The following FREM1 variants were observed in gnomAD, a reference collection of about 807,000 sequenced individuals.
FREM1 encodes the protein FRAS1 related extracellular matrix 1.
A neutral mutation model predicts 210.1 loss-of-function variants in FREM1; 220 were observed. That is an observed-to-expected ratio of 1.05 (90% CI 0.94 to 1.17). The LOEUF is 1.17. Ranked by LOEUF, FREM1 falls within the 50% of genes most tolerant of loss-of-function variation. The pLI is 0.00. For missense variants in FREM1, 3,454 were observed against 2,675.5 expected, an observed-to-expected ratio of 1.29 and a Z score of -6.42; for synonymous variants, 1,189 against 980.2, an observed-to-expected ratio of 1.21 and a Z score of -3.98.
rs750470197 is a variant in FREM1 at position 14,775,894 on chromosome 9, C to T, written c.4752G>A (p.Gly1584=). ...SKNVAYRHSG[G]DSQTDCFTFM... Reference sequence around the variant, plus strand: ...AAGTAAAGCAGTCAGTCTGGGAGTCCCCTCCTGAGTGCCGATAGGCCACAT... The same window carrying T: ...AAGTAAAGCAGTCAGTCTGGGAGTCTCCTCCTGAGTGCCGATAGGCCACAT... Residue 1584 remains glycine (G), a synonymous_variant, in exon 25 of 37, where the codon GGG becomes GGA. Transcript: ENST00000380880. The T allele has an allele frequency of 6.2e-7, 1 of 1,613,872 alleles. No homozygotes were observed. Among genetic ancestry groups the T allele is most frequent in the Non-Finnish European group, 8.5e-7 (1 of 1,179,802 alleles).
Position 14,789,112 on chromosome 9 carries a change from T to G in FREM1, c.3984A>C (p.Ile1328=). ...LPQNGQLQLK[I]GRDWVPLSPG... Reference sequence around the variant, plus strand: ...GGGAGAGAGGAACCCAGTCCCTCCCTATCTGGAAGGAGCCAGAGTTAGTCA... The same window carrying G: ...GGGAGAGAGGAACCCAGTCCCTCCCGATCTGGAAGGAGCCAGAGTTAGTCA... The change falls in exon 23 of 37, where the codon ATA becomes ATC. Residue 1328 remains isoleucine (I), a splice_region_variant and synonymous_variant. Coordinates refer to ENST00000380880, the MANE Select transcript of FREM1 (RefSeq NM_001379081.2). 1 of 1,578,862 alleles carries G rather than the reference T, an allele frequency of 6.3e-7. No homozygotes were observed. Among genetic ancestry groups the G allele is most frequent in the Non-Finnish European group, 8.6e-7 (1 of 1,160,628 alleles).
At chr9:14,779,088 C>T (rs1587918140) in intron 24 of FREM1, among the ~76,000 whole-genome samples, 2 of 152,072 alleles carry the variant, frequency 1.3e-5, no homozygotes, top group East Asian at 3.9e-4. Context: ...CATATTCCCC[C>T]CAGATCCTAT....
chr9:14,828,642 G>GGC (rs1822942639), intron 10 of FREM1, among the ~76,000 whole-genome samples: 1 of 94,772 alleles, frequency 1.1e-5, no homozygotes, highest in African/African-American at 3.2e-5. Flanking sequence ...TTGTGGCGGG[G>GGC]CGGGGGAGGT....
At chr9:14,872,417 C>T (rs6474866) in intron 1 of FREM1, among the ~76,000 whole-genome samples, 83,525 of 151,986 alleles carry the variant, frequency 0.55, 25,929 homozygotes, top group African/African-American at 0.85. Flanking sequence ...GGCATTTTAT[C>T]CTCTTTGAAG....
chr9:14,762,654 G>C (rs1845706104), intron 27 of FREM1, among the ~76,000 whole-genome samples: 1 of 151,634 alleles, frequency 6.6e-6, no homozygotes, highest in Non-Finnish European at 1.5e-5. Context: ...CTATTGAAAA[G>C]CCGTGAAATT....
rs1563827686 is a variant in FREM1, at chr9:14,749,400, G to C, written c.5557+727C>G. On this transcript the variant is annotated intron_variant, in intron 30 of 36. Coordinates refer to ENST00000380880, the MANE Select transcript of FREM1 (RefSeq NM_001379081.2). ...TTATAGAGTAGGAAAGAGAAGAGAA[G>C]GGAATAGATTCCAGGCAAGAAAAAA... Among the ~76,000 whole-genome samples, 5 of 144,202 alleles carry C rather than the reference G, an allele frequency of 3.5e-5. No individual in the cohort carries two copies. The South Asian group carries it at 1.1e-3, about 30-fold the overall frequency. 94.6% of individuals were successfully genotyped at this position (144,202 alleles called of 152,430 possible). A position where few individuals can be genotyped will look rare whatever the true frequency, so the allele number is the denominator to read the frequency against.
intron 18 of FREM1, 69 bp from the exon 19 acceptor site, chr9:14,805,221 T>A (rs535075849): frequency 3.7e-6 from 3 of 816,070 alleles, no homozygotes; most frequent in East Asian, 2.5e-5. Flanking sequence ...CCTTAATCCT[T>A]AACCCAATAA....
chr9:14,784,261 G>A lies in FREM1; in HGVS notation c.4442+109C>T, dbSNP rs1188518294. ...TAAGGTATACAGCGTGATGTTATAA[G>A]ATACATGTATTTTGTGAAATGGTTA... is the stretch of plus-strand genomic sequence containing the variant. On this transcript the variant is annotated intron_variant, in intron 24 of 36. Coordinates refer to ENST00000380880, the MANE Select transcript of FREM1 (RefSeq NM_001379081.2). 10 of 977,324 alleles carry A rather than the reference G, an allele frequency of 1.0e-5. No homozygotes were observed. In the East Asian group the frequency reaches 2.4e-4, roughly 24 times the overall value. The allele number at this position is 977,324 out of a possible 1,614,324, so 60.5% of individuals were successfully genotyped here.
At chr9:14,849,837 G>T (rs958669674) in intron 6 of FREM1, among the ~76,000 whole-genome samples, 1 of 152,254 alleles carries the variant, frequency 6.6e-6, no homozygotes, top group South Asian at 2.1e-4. Context: ...TACAATGCCA[G>T]AAACTACACA....
At position 14,792,901 on chromosome 9, in the gene FREM1, G is replaced by A. The variant is rs756990893; in HGVS notation, c.3840-17C>T. 2.0e-6 allele frequency: 3 copies of A among 1,532,176 alleles called. No homozygotes were observed. Among genetic ancestry groups the A allele is most frequent in the Non-Finnish European group, 2.6e-6 (3 of 1,132,408 alleles). The allele number at this position is 1,532,176 out of a possible 1,614,324, so 94.9% of individuals were successfully genotyped here. A position where few individuals can be genotyped will look rare whatever the true frequency, so the allele number is the denominator to read the frequency against. On this transcript the variant is annotated splice_polypyrimidine_tract_variant and intron_variant, in intron 21 of 36. Transcript: ENST00000380880. ...TCAGCCTTCCTGTAAAAAGAAAAAT[G>A]TCTGGGTTGATATAAAAATAGAAGA... is the stretch of plus-strand genomic sequence containing the variant.
intron 1 of FREM1, among the ~76,000 whole-genome samples, chr9:14,907,656 T>C (rs965072018): frequency 2.6e-5 from 4 of 152,226 alleles, no homozygotes; most frequent in African/African-American, 9.6e-5. Flanking sequence ...ATTACACTTG[T>C]CTAACTCAAT....
At chr9:14,827,888 C>T (rs1438847469) in intron 10 of FREM1, among the ~76,000 whole-genome samples, 1 of 152,238 alleles carries the variant, frequency 6.6e-6, no homozygotes, top group Non-Finnish European at 1.5e-5. Flanking sequence ...ACCACTTGAG[C>T]CACCACTCTG....
intron 16 of FREM1, among the ~76,000 whole-genome samples, chr9:14,808,874 G>C (rs373143350): frequency 6.6e-6 from 1 of 152,202 alleles, no homozygotes; most frequent in African/African-American, 2.4e-5. Flanking sequence ...TACCCACTAA[G>C]AGCGTGGAGT....
intron 28 of FREM1, among the ~76,000 whole-genome samples, chr9:14,757,997 TACTACC>T (rs1233130975): frequency 1.1e-4 from 16 of 152,324 alleles, no homozygotes; most frequent in African/African-American, 3.8e-4. Flanking sequence ...ACCTAGTATT[TACTACC>T]ACTGAGTTTA....
At chr9:14,883,424 A>G (rs897350860) in intron 1 of FREM1, among the ~76,000 whole-genome samples, 1 of 152,076 alleles carries the variant, frequency 6.6e-6, no homozygotes, top group African/African-American at 2.4e-5. Flanking sequence ...TTGCTCTTGT[A>G]TTTTTCTCTT....
At position 14,870,636 on chromosome 9, in the gene FREM1, TC is replaced by T. The variant is rs201636346; in HGVS notation, c.-267-1393del. Among the ~76,000 whole-genome samples, 85 of 152,204 alleles carry T rather than the reference TC, an allele frequency of 5.6e-4. No individual in the cohort carries two copies. In the East Asian group the frequency reaches 0.013, roughly 24 times the overall value. ...GAAAGGCTATCAATTTAATATGGTT[TC>T]TTTTTTTTATTTTAATTCATTTTAT... is the stretch of plus-strand genomic sequence containing the variant. On this transcript the variant is annotated intron_variant, in intron 1 of 36. Coordinates refer to ENST00000380880, the MANE Select transcript of FREM1 (RefSeq NM_001379081.2).
Position 14,746,439 on chromosome 9 carries a change from C to A in FREM1, c.6168G>T (p.Gly2056=), listed in dbSNP as rs1842443067. ...KDVEDKSCPA[G]WHQHSGYCHI... ...GACAGTAGCCTGAGTGCTGGTGCCA[C>A]CCGGCTGGACAGGATTTGTCTTCCA... Residue 2056 remains glycine (G), a synonymous_variant, in exon 35 of 37, where the codon GGG becomes GGT. Coordinates refer to ENST00000380880, the MANE Select transcript of FREM1 (RefSeq NM_001379081.2). The A allele has an allele frequency of 5.6e-6, 9 of 1,613,680 alleles. No homozygotes were observed. Among genetic ancestry groups the A allele is most frequent in the Non-Finnish European group, 7.6e-6 (9 of 1,179,664 alleles).
intron 35 of FREM1, among the ~76,000 whole-genome samples, chr9:14,742,031 C>T (rs370512577): frequency 5.3e-4 from 80 of 152,090 alleles, no homozygotes; most frequent in African/African-American, 1.6e-3. Flanking sequence ...CATAGTTATT[C>T]GCAAAAGAAA....
At chr9:14,805,201 A>T in intron 18 of FREM1, 49 bp from the exon 19 acceptor site, 1 of 1,151,278 alleles carries the variant, frequency 8.7e-7, no homozygotes, top group Non-Finnish European at 1.2e-6. Flanking sequence ...AATTTTTCCA[A>T]GTTATTGGTC....
Sources: allele counts gnomAD v4.1 joint callset (sites outside exome capture counted in the v4.1 genomes callset), GRCh38; gene constraint gnomAD v4.1.1; transcripts MANE v1.5; gene names NCBI Gene and HGNC (gene_info 2026-07-23, HGNC 2026-07-21).